Variants in ANKRD30B observed in about 807,000 individuals in gnomAD.
ANKRD30B encodes the protein ankyrin repeat domain-containing protein 30B.
ANKRD30B carries 144 observed loss-of-function variants against 202.2 expected under a neutral mutation model. The observed-to-expected ratio is 0.71, with a 90% CI of 0.62 to 0.82. ANKRD30B has a LOEUF of 0.82. ANKRD30B is among the 40% of genes least tolerant of loss of function. The pLI, the probability that ANKRD30B is intolerant of heterozygous loss-of-function variation, is 0.00. For synonymous variants in ANKRD30B, 508 were observed against 561.3 expected (o/e 0.91, Z 1.34); for missense variants, 1,487 against 1,669.1 (o/e 0.89, Z 1.90).
At position 14,803,723 on chromosome 18, in the gene ANKRD30B, AC is replaced by A. The variant is rs757657188; in HGVS notation, c.2194-10del. ...TCCATTGAAATTATTTATTGATATT[AC>A]TTTTAACAGAGTTTCCTTGAGACTC... On this transcript the variant is annotated splice_polypyrimidine_tract_variant and intron_variant, in intron 23 of 43. Transcript: ENST00000690538. 1.3e-6 allele frequency: 2 copies of A among 1,584,240 alleles called. No individual in the cohort carries two copies. Among genetic ancestry groups the A allele is most frequent in the Admixed American group, 3.6e-5 (2 of 55,252 alleles).
the ANKRD30B span, among the ~76,000 whole-genome samples, chr18:14,879,767 A>C: frequency 6.7e-6 from 1 of 149,846 alleles, no homozygotes; most frequent in Admixed American, 6.7e-5. Context: ...GGGTCAGGGG[A>C]TAGGGGTCAG....
At chr18:14,783,886 T>A (rs556737302) in intron 12 of ANKRD30B, among the ~76,000 whole-genome samples, 1 of 152,048 alleles carries the variant, frequency 6.6e-6, no homozygotes. Context: ...TCCAAGCTGA[T>A]CAATTCATAA....
intron 3 of ANKRD30B, 127 bp from the exon 4 acceptor site, chr18:14,754,772 C>A: frequency 1.7e-6 from 1 of 573,362 alleles, no homozygotes; most frequent in Non-Finnish European, 2.8e-6. Context: ...AAAGAAGGGA[C>A]TGCTATTGAT....
At position 14,779,906 on chromosome 18, in the gene ANKRD30B, A is replaced by C. The variant is rs1008009090; in HGVS notation, c.1421-54A>C. 28 of 1,277,242 alleles carry C rather than the reference A, an allele frequency of 2.2e-5. No homozygotes were observed. In the East Asian group the frequency reaches 3.9e-4, roughly 18 times the overall value. The allele number at this position is 1,277,242 out of a possible 1,614,324, so 79.1% of individuals were successfully genotyped here. A position where few individuals can be genotyped will look rare whatever the true frequency, so the allele number is the denominator to read the frequency against. ...TGAAAATAGATTTGTATATGTTTTT[A>C]AAATTTATAATAAGGAATGCTCTCA... On this transcript the variant is annotated intron_variant, in intron 10 of 43. Coordinates refer to ENST00000690538, the MANE Select transcript of ANKRD30B (RefSeq NM_001367607.2).
At chr18:14,872,143 C>T in the ANKRD30B span, among the ~76,000 whole-genome samples, 1 of 152,172 alleles carries the variant, frequency 6.6e-6, no homozygotes, top group Non-Finnish European at 1.5e-5. Flanking sequence ...TGCCTTCACT[C>T]CTAGGCTCTA....
intron 11 of ANKRD30B, among the ~76,000 whole-genome samples, chr18:14,780,304 A>G (rs564239764): frequency 2.2e-4 from 33 of 152,106 alleles, no homozygotes; most frequent in Non-Finnish European, 8.8e-5. Flanking sequence ...AATTAGTTGG[A>G]TGTGGTGGTG....
At chr18:14,868,401 A>G in the ANKRD30B span, among the ~76,000 whole-genome samples, 1 of 152,290 alleles carries the variant, frequency 6.6e-6, no homozygotes, top group East Asian at 1.9e-4. Flanking sequence ...TGTTCTTAAC[A>G]GAATTTAGGG....
At chr18:14,755,054 G>T in intron 4 of ANKRD30B, 49 bp downstream of exon 4, 7 of 1,022,464 alleles carry the variant, frequency 6.8e-6, no homozygotes, top group Non-Finnish European at 8.1e-6. Context: ...TAGTGTTCTA[G>T]AGTAATAATG....
intron 39 of ANKRD30B, among the ~76,000 whole-genome samples, chr18:14,847,053 TA>T (rs1568072720): frequency 0.018 from 260 of 14,212 alleles, 2 homozygotes; most frequent in African/African-American, 0.059. Flanking sequence ...TTTAGTTTTA[TA>T]TATATATATA....
At chr18:14,847,960 G>C (rs1408586951) in intron 39 of ANKRD30B, among the ~76,000 whole-genome samples, 1 of 151,954 alleles carries the variant, frequency 6.6e-6, no homozygotes, top group East Asian at 1.9e-4. Context: ...TCTTGCTTTT[G>C]CTTCTGTATC....
the ANKRD30B span, among the ~76,000 whole-genome samples, chr18:14,864,377 C>G: frequency 1.3e-5 from 2 of 152,018 alleles, no homozygotes; most frequent in Non-Finnish European, 2.9e-5. Flanking sequence ...CAAAAAAAAC[C>G]CTGAAATCAT....
the ANKRD30B span, among the ~76,000 whole-genome samples, chr18:14,922,871 G>A: frequency 1.3e-5 from 2 of 152,076 alleles, no homozygotes; most frequent in East Asian, 1.9e-4. Context: ...CCTTCATTTC[G>A]CTTGACAAGG....
At chr18:14,885,029 C>T in the ANKRD30B span, among the ~76,000 whole-genome samples, 1 of 151,944 alleles carries the variant, frequency 6.6e-6, no homozygotes, top group Non-Finnish European at 1.5e-5. Context: ...GAATTCAAAC[C>T]AGAGAGACCA....
chr18:14,796,348 C>T lies in ANKRD30B; in HGVS notation c.1860C>T (p.Thr620=), dbSNP rs759402686. Residue 620 remains threonine (T), a synonymous_variant, in exon 18 of 44, where the codon ACC becomes ACT. Transcript: ENST00000690538. ...SPVKDGLLKP[T]CGRKVSLPNK... ...GTGTTTCCAAACCCATTTAGCCTAC[C>T]TGTGGAAGGAAAGTTTCTCTTCCAA... is the stretch of plus-strand genomic sequence containing the variant. The T allele has an allele frequency of 2.8e-5, 45 of 1,589,342 alleles. 1 individual carries two copies. The Middle Eastern group carries it at 5.3e-4, about 19-fold the overall frequency.
rs28555630 is a variant in ANKRD30B, at chr18:14,848,822, G to A, written c.3288G>A (p.Thr1096=). 0.51 allele frequency: 791,903 copies of A among 1,555,664 alleles called. 199,506 individuals are homozygous for A. Among genetic ancestry groups the A allele is most frequent in the African/African-American group, 0.54 (39,201 of 72,448 alleles). ...CEQITAKMEQ[T]KNKFCVLQKE... ...AAATTACAGCAAAAATGGAACAAAC[G>A]AAAAATAAGTTTTGTGTACTACAAA... The change falls in exon 40 of 44, where the codon ACG becomes ACA. Residue 1096 remains threonine, a synonymous_variant. Transcript: ENST00000690538.
chr18:14,800,154 C>T (rs1353180536), intron 22 of ANKRD30B, among the ~76,000 whole-genome samples: 1 of 151,224 alleles, frequency 6.6e-6, no homozygotes, highest in Non-Finnish European at 1.5e-5. Flanking sequence ...ATTGCTTGAA[C>T]CCATGAGGCA....
chr18:14,749,741 T>A (rs1598553430), intron 1 of ANKRD30B, among the ~76,000 whole-genome samples: 4 of 124,176 alleles, frequency 3.2e-5, no homozygotes, highest in African/African-American at 9.0e-5. Context: ...GACAGGTAAA[T>A]GAATACAACA....
chr18:14,853,160 T>G (rs942780077), intron 42 of ANKRD30B, among the ~76,000 whole-genome samples: 7 of 151,994 alleles, frequency 4.6e-5, no homozygotes, highest in African/African-American at 1.4e-4. Context: ...TCATAATTTC[T>G]ATTTCAAGGC....
intron 12 of ANKRD30B, 68 bp downstream of exon 12, chr18:14,782,682 T>C (rs1330538398): frequency 1.0e-6 from 1 of 997,586 alleles, no homozygotes; most frequent in Non-Finnish European, 1.4e-6. Context: ...ATGACTGAAA[T>C]ACTCTAATAG....
Sources: allele counts gnomAD v4.1 joint callset (sites outside exome capture counted in the v4.1 genomes callset), GRCh38; gene constraint gnomAD v4.1.1; transcripts MANE v1.5; gene names NCBI Gene and HGNC (gene_info 2026-07-23, HGNC 2026-07-21).